Variants in ZNF45 observed in about 807,000 individuals in gnomAD.
ZNF45 encodes BRC1744.
In ZNF45, 4 loss-of-function variants were observed where a neutral mutation model predicts 12.0. That is an observed-to-expected ratio of 0.33 (90% CI 0.16 to 0.76). The LOEUF (loss-of-function observed/expected upper bound fraction) is 0.76. Among genes scored for constraint, ZNF45 ranks in the 30% least tolerant of loss-of-function variants. ZNF45 has a pLI of 0.60. For missense variants in ZNF45, 700 were observed against 813.0 expected (o/e 0.86, Z 1.69); for synonymous variants, 272 against 279.6 (o/e 0.97, Z 0.27).
chr19:43,913,301 A>T lies in ZNF45; in HGVS notation c.*86T>A. The T allele has an allele frequency of 6.8e-7, 1 of 1,470,612 alleles. No individual in the cohort carries two copies. The highest frequency in any genetic ancestry group is 9.1e-7 in the Non-Finnish European group (1 of 1,102,420). The allele number at this position is 1,470,612 out of a possible 1,614,324, so 91.1% of individuals were successfully genotyped here. ...GGTCTCCCAATCACTTGGCTGAACT[A>T]CTGACTCTATAAAACAAATGTTTTG... is the stretch of plus-strand genomic sequence containing the variant. On this transcript the variant is annotated 3_prime_UTR_variant, in exon 10 of 10. Transcript: ENST00000269973.
Position 43,914,971 on chromosome 19 carries a change from G to A in ZNF45, c.465C>T (p.His155=), listed in dbSNP as rs1972520034. 6.2e-7 allele frequency: 1 copy of A among 1,605,450 alleles called. No individual in the cohort carries two copies. Among genetic ancestry groups the A allele is most frequent in the Admixed American group, 1.7e-5 (1 of 59,414 alleles). Residue 155 remains histidine (H), a synonymous_variant, in exon 10 of 10, where the codon CAC becomes CAT. Transcript: ENST00000269973. The part of the protein sequence containing the change: ...FSNQSSHLQV[H]RVHTGEKPYK... ...AGGGTTTTTCACCAGTGTGGACTCT[G>A]TGAACTTGAAGATGGGAACTCTGAT...
intron 9 of ZNF45, among the ~76,000 whole-genome samples, chr19:43,917,148 T>C (rs945377829): frequency 1.4e-4 from 21 of 152,190 alleles, no homozygotes; most frequent in Non-Finnish European, 2.9e-4. Flanking sequence ...GTGACAAGCA[T>C]TAACAGAAAA....
At position 43,914,912 on chromosome 19, in the gene ZNF45, C is replaced by T; in HGVS notation, c.524G>A (p.Trp175Ter). ...KGEHCVKSFS[W>*]SSHLQINQRA... Reference sequence around the variant, plus strand: ...TTGGTTAATTTGAAGATGAGAGCTCCAGCTGAAACTTTTCACACAATGTTC... The same window carrying T: ...TTGGTTAATTTGAAGATGAGAGCTCTAGCTGAAACTTTTCACACAATGTTC... The change falls in exon 10 of 10, where the codon TGG becomes TAG. Residue 175 changes from tryptophan (W) to a stop codon, truncating the protein, a stop_gained. Coordinates refer to ENST00000269973, the MANE Select transcript of ZNF45 (RefSeq NM_003425.4). LOFTEE classifies it low-confidence loss of function (END_TRUNC). 1 of 1,612,468 alleles carries T rather than the reference C, an allele frequency of 6.2e-7. No individual in the cohort carries two copies. Among genetic ancestry groups the T allele is most frequent in the Non-Finnish European group, 8.5e-7 (1 of 1,178,550 alleles).
chr19:43,917,900 T>C (rs973946531), intron 9 of ZNF45, among the ~76,000 whole-genome samples: 7 of 152,208 alleles, frequency 4.6e-5, no homozygotes, highest in African/African-American at 1.4e-4. Context: ...GAAAATGATA[T>C]GTTAGGCCCT....
chr19:43,914,237 G>T lies in ZNF45; in HGVS notation c.1199C>A (p.Ala400Asp), dbSNP rs758985139. Reference sequence around the variant, plus strand: ...TCTTTGATGGTCCAGCAGATTTGAGGCCCGGCAGAAGCCTTTCCCACACTC... The same window carrying T: ...TCTTTGATGGTCCAGCAGATTTGAGTCCCGGCAGAAGCCTTTCCCACACTC... ...CEECGKGFCR[A>D]SNLLDHQRGH... The change falls in exon 10 of 10, where the codon GCC becomes GAC. Residue 400 changes from alanine (A) to aspartate (D), a missense_variant. Physicochemically the swap from Ala to Asp is moderately radical, Grantham distance 126. Coordinates refer to ENST00000269973, the MANE Select transcript of ZNF45 (RefSeq NM_003425.4). 1 of 1,612,800 alleles carries T rather than the reference G, an allele frequency of 6.2e-7. No individual in the cohort carries two copies. The highest frequency in any genetic ancestry group is 8.5e-7 in the Non-Finnish European group (1 of 1,179,380).
Position 43,913,366 on chromosome 19 carries a change from T to C in ZNF45, c.*21A>G, listed in dbSNP as rs1972355561. The C allele has an allele frequency of 2.0e-6, 3 of 1,524,900 alleles. No individual in the cohort carries two copies. Among genetic ancestry groups the C allele is most frequent in the Non-Finnish European group, 2.6e-6 (3 of 1,138,444 alleles). 94.5% of individuals were successfully genotyped at this position (1,524,900 alleles called of 1,614,324 possible). A position where few individuals can be genotyped will look rare whatever the true frequency, so the allele number is the denominator to read the frequency against. Reference sequence around the variant, plus strand: ...GATTATTAAAATATTTCAGCACCCATCTGAGATAGTAAAACATATTTTATC... The same window carrying C: ...GATTATTAAAATATTTCAGCACCCACCTGAGATAGTAAAACATATTTTATC... On this transcript the variant is annotated 3_prime_UTR_variant, in exon 10 of 10. Transcript: ENST00000269973.
intron 9 of ZNF45, among the ~76,000 whole-genome samples, chr19:43,917,633 G>A (rs1197256055): frequency 6.6e-6 from 1 of 152,092 alleles, no homozygotes; most frequent in African/African-American, 2.4e-5. Flanking sequence ...TTACAGGTAT[G>A]CGCCACCATG....
chr19:43,914,861 T>G lies in ZNF45; in HGVS notation c.575A>C (p.Tyr192Ser), dbSNP rs769845637. The G allele has an allele frequency of 6.2e-7, 1 of 1,613,132 alleles. No individual in the cohort carries two copies. Among genetic ancestry groups the G allele is most frequent in the Non-Finnish European group, 8.5e-7 (1 of 1,179,138 alleles). The change falls in exon 10 of 10, where the codon TAC (tyrosine) becomes TCC (serine). Residue 192 changes from tyrosine (Y) to serine (S), a missense_variant. By Grantham distance (144) the Tyr-to-Ser change is moderately radical. Coordinates refer to ENST00000269973, the MANE Select transcript of ZNF45 (RefSeq NM_003425.4). ...GGCATTATCACATTTTTCACATTTG[T>G]AGGGCTTCTCTCCTGCATGAGCCCT... ...NQRAHAGEKP[Y>S]KCEKCDNAFR...
chr19:43,931,233 A>G (rs1974117351), intron 3 of ZNF45: 1 of 152,186 alleles, frequency 6.6e-6, no homozygotes, highest in African/African-American at 2.4e-5. Flanking sequence ...AGAAAAGAAT[A>G]CTTAAAAATA....
chr19:43,933,199 G>A (rs1461071812), intron 2 of ZNF45, among the ~76,000 whole-genome samples: 3 of 152,190 alleles, frequency 2.0e-5, no homozygotes, highest in Admixed American at 2.0e-4. Context: ...GGCCTAGCAT[G>A]GTGGCTCACA....
rs368057244 is a variant in ZNF45, at chr19:43,922,820, GTTTTTT to G, written c.-32-609_-32-604del. On this transcript the variant is annotated intron_variant, in intron 6 of 9. Coordinates refer to ENST00000269973, the MANE Select transcript of ZNF45 (RefSeq NM_003425.4). Reference sequence around the variant, plus strand: ...AATGGTTTCTACCAATAAATTCTTTGTTTTTTTTTTTTTTTTTTTTTTTGAGAGAGG... The same window carrying G: ...AATGGTTTCTACCAATAAATTCTTTGTTTTTTTTTTTTTTTTTGAGAGAGG... 5.8e-5 allele frequency among the ~76,000 whole-genome samples: 5 copies of G among 86,490 alleles called. No homozygotes were observed. The South Asian group carries it at 1.9e-3, about 33-fold the overall frequency. 56.7% of individuals were successfully genotyped at this position (86,490 alleles called of 152,430 possible).
chr19:43,913,605 GTC>G lies in ZNF45; in HGVS notation c.1829_1830del (p.Arg610ThrfsTer5), dbSNP rs775531976. On this transcript the variant is annotated frameshift_variant, in exon 10 of 10. Transcript: ENST00000269973. LOFTEE classifies it low-confidence loss of function (END_TRUNC). ...QAHQRVHTGERPYKCEECGKV... is the reference protein window; with the variant it reads ...QAHQRVHTGEXPYKCEECGKV... ...TTCCCACATTCCTCACATTTGTATGGTCTCTCTCCTGTGTGGACCCTCTGGTG... is the reference window on the plus strand; with the variant it reads ...TTCCCACATTCCTCACATTTGTATGGTCTCTCCTGTGTGGACCCTCTGGTG... 30 of 1,613,956 alleles carry G rather than the reference GTC, an allele frequency of 1.9e-5. 1 individual carries two copies. The South Asian group carries it at 3.2e-4, about 17-fold the overall frequency.
chr19:43,914,053 G>A lies in ZNF45; in HGVS notation c.1383C>T (p.Ala461=). The A allele has an allele frequency of 6.2e-7, 1 of 1,613,402 alleles. No homozygotes were observed. The highest frequency in any genetic ancestry group is 1.3e-5 in the African/African-American group (1 of 74,756). ...TCTCTCCAGTGTGGCCTCTTTGATGGGCCAGAAGATTTGAGGCCTGGCTGA... is the reference window on the plus strand; with the variant it reads ...TCTCTCCAGTGTGGCCTCTTTGATGAGCCAGAAGATTTGAGGCCTGGCTGA... ...KGFSQASNLL[A]HQRGHTGEKP... The change falls in exon 10 of 10, where the codon GCC becomes GCT. Residue 461 remains alanine (A), a synonymous_variant. Transcript: ENST00000269973.
intron 8 of ZNF45, 117 bp from the exon 9 acceptor site, chr19:43,919,079 C>G: frequency 1.3e-6 from 1 of 759,616 alleles, no homozygotes; most frequent in Non-Finnish European, 2.2e-6. Context: ...TTCCACACTT[C>G]TAATCATGAC....
Position 43,914,094 on chromosome 19 carries a change from C to T in ZNF45, c.1342G>A (p.Glu448Lys). Reference protein sequence around the residue: ...HTGEKPYKCEECGKGFSQASN... With the variant: ...HTGEKPYKCEKCGKGFSQASN... Reference sequence around the variant, plus strand: ...GCCTGGCTGAAGCCCTTGCCACACTCCTCACATTTATAGGGTTTTTCCCCT... The same window carrying T: ...GCCTGGCTGAAGCCCTTGCCACACTTCTCACATTTATAGGGTTTTTCCCCT... Residue 448 changes from glutamate (E) to lysine (K), a missense_variant, in exon 10 of 10, where the codon GAG (glutamate) becomes AAG (lysine). Coordinates refer to ENST00000269973, the MANE Select transcript of ZNF45 (RefSeq NM_003425.4). The T allele has an allele frequency of 6.2e-7, 1 of 1,614,128 alleles. No homozygotes were observed. The highest frequency in any genetic ancestry group is 8.5e-7 in the Non-Finnish European group (1 of 1,180,014).
chr19:43,925,767 C>T (rs1973623613), intron 3 of ZNF45, among the ~76,000 whole-genome samples: 1 of 152,116 alleles, frequency 6.6e-6, no homozygotes, highest in South Asian at 2.1e-4. Flanking sequence ...ATTATGGGCA[C>T]CCGCCACCAT....
At chr19:43,922,241 G>A (rs1185550876) in intron 6 of ZNF45, 24 bp from the exon 7 acceptor site, 2 of 1,521,590 alleles carry the variant, frequency 1.3e-6, no homozygotes, top group African/African-American at 2.8e-5. Context: ...GAGAAAACAT[G>A]AGGGAAGGAG....
intron 9 of ZNF45, 98 bp from the exon 10 acceptor site, chr19:43,915,298 T>C (rs1419996788): frequency 2.4e-5 from 30 of 1,267,020 alleles, no homozygotes; most frequent in Non-Finnish European, 3.0e-5. Flanking sequence ...TAAGGCTTCA[T>C]TGAACCAGGA....
At chr19:43,917,253 G>A (rs1484833189) in intron 9 of ZNF45, among the ~76,000 whole-genome samples, 1 of 152,124 alleles carries the variant, frequency 6.6e-6, no homozygotes, top group Non-Finnish European at 1.5e-5. Flanking sequence ...ATATGTGAAT[G>A]TTTGTATTTA....
Sources: allele counts gnomAD v4.1 joint callset (sites outside exome capture counted in the v4.1 genomes callset), GRCh38; gene constraint gnomAD v4.1.1; transcripts MANE v1.5; gene names NCBI Gene and HGNC (gene_info 2026-07-23, HGNC 2026-07-21).